PLCL1: variants seen among roughly 807,000 people sequenced by gnomAD.
PLCL1 encodes the protein inactive phospholipase C-like protein 1.
PLCL1 carries 41 observed loss-of-function variants against 84.4 expected under a neutral mutation model. The observed-to-expected ratio is 0.49, with a 90% CI of 0.38 to 0.63. The LOEUF is 0.63. Ranked by LOEUF, PLCL1 falls within the 30% of genes least tolerant of loss-of-function variation. The pLI is 0.00. For missense variants in PLCL1, 1,206 were observed against 1,367.8 expected (o/e 0.88, Z 1.87); for synonymous variants, 490 against 488.3 (o/e 1.00, Z -0.05).
chr2:197,918,872 T>TTGAGGC (rs1342389686), intron 1 of PLCL1, among the ~76,000 whole-genome samples: 1 of 151,590 alleles, frequency 6.6e-6, no homozygotes, highest in African/African-American at 2.4e-5. Context: ...GCTTAGGAGG[T>TTGAGGC]TGAGGCTGCA....
intron 1 of PLCL1, among the ~76,000 whole-genome samples, chr2:198,026,737 G>C (rs1691274615): frequency 6.6e-6 from 1 of 152,114 alleles, no homozygotes; most frequent in African/African-American, 2.4e-5. Flanking sequence ...TGGCTGGCAG[G>C]CCATTTTAAA....
chr2:198,104,080 G>T, intron 5 of PLCL1, 144 bp downstream of exon 5: 3 of 475,728 alleles, frequency 6.3e-6, no homozygotes, highest in Non-Finnish European at 7.6e-6. Context: ...GTGCAGGTTT[G>T]TTATATAGGT....
intron 1 of PLCL1, among the ~76,000 whole-genome samples, chr2:197,994,519 A>G (rs1690416654): frequency 6.6e-6 from 1 of 152,226 alleles, no homozygotes; most frequent in African/African-American, 2.4e-5. Flanking sequence ...GGGATATAAG[A>G]TATGCTTTCT....
At chr2:198,009,663 G>A (rs1382522473) in intron 1 of PLCL1, among the ~76,000 whole-genome samples, 1 of 151,744 alleles carries the variant, frequency 6.6e-6, no homozygotes, top group African/African-American at 2.4e-5. Context: ...TGGCTCTTTT[G>A]GGCCCCTTAA....
Position 197,929,977 on chromosome 2 carries a change from C to T in PLCL1, c.240+124638C>T, listed in dbSNP as rs1688902786. Among the ~76,000 whole-genome samples, 3 of 152,154 alleles carry T rather than the reference C, an allele frequency of 2.0e-5. No individual in the cohort carries two copies. The South Asian group carries it at 6.2e-4, about 32-fold the overall frequency. On this transcript the variant is annotated intron_variant, in intron 1 of 5. Coordinates refer to ENST00000428675, the MANE Select transcript of PLCL1 (RefSeq NM_006226.4). ...TTTCTCCTGTGATACACAGATGTCTCACTGAGTATCAAATAGTGAGAGGGA... is the reference window on the plus strand; with the variant it reads ...TTTCTCCTGTGATACACAGATGTCTTACTGAGTATCAAATAGTGAGAGGGA...
intron 1 of PLCL1, among the ~76,000 whole-genome samples, chr2:197,964,868 T>C (rs1689697073): frequency 6.6e-6 from 1 of 152,184 alleles, no homozygotes; most frequent in Non-Finnish European, 1.5e-5. Context: ...TTTTATTCTA[T>C]TGATATATCA....
intron 1 of PLCL1, among the ~76,000 whole-genome samples, chr2:197,985,337 T>C (rs1381614700): frequency 1.3e-5 from 2 of 152,202 alleles, no homozygotes; most frequent in Non-Finnish European, 2.9e-5. Context: ...CAGTGTTTTG[T>C]TAATTATACT....
Position 198,084,992 on chromosome 2 carries a change from G to A in PLCL1, c.1475G>A (p.Gly492Glu), listed in dbSNP as rs772849136. The change falls in exon 2 of 6, where the codon GGA becomes GAA. Residue 492 changes from glycine (G) to glutamate (E), a missense_variant. Transcript: ENST00000428675. ...GAATACCCACTCATTCTTTGCTTGG[G>A]AAATCACTGCTCCTTGCCGCAGCAG... ...ASEYPLILCLGNHCSLPQQKV... is the reference protein window; with the variant it reads ...ASEYPLILCLENHCSLPQQKV... 1.2e-5 allele frequency: 20 copies of A among 1,613,876 alleles called. No individual in the cohort carries two copies. The highest frequency in any genetic ancestry group is 1.7e-5 in the Non-Finnish European group (20 of 1,180,002).
chr2:197,983,314 C>A (rs748047366), intron 1 of PLCL1, among the ~76,000 whole-genome samples: 5 of 146,486 alleles, frequency 3.4e-5, no homozygotes, highest in Non-Finnish European at 7.4e-5. Flanking sequence ...ACTGCAGCCT[C>A]AACCTCCTGG....
chr2:197,832,396 A>G (rs917889663), intron 1 of PLCL1, among the ~76,000 whole-genome samples: 13 of 152,220 alleles, frequency 8.5e-5, no homozygotes, highest in Non-Finnish European at 4.4e-5. Flanking sequence ...AATAAACTAG[A>G]AATTCTAGAA....
chr2:197,955,710 A>G (rs985854514), intron 1 of PLCL1, among the ~76,000 whole-genome samples: 1 of 151,858 alleles, frequency 6.6e-6, no homozygotes, highest in Admixed American at 6.6e-5. Context: ...CCGGCAAAGG[A>G]CATGATCTCA....
chr2:198,033,005 A>G (rs569866729), intron 1 of PLCL1, among the ~76,000 whole-genome samples: 2 of 152,318 alleles, frequency 1.3e-5, no homozygotes, highest in Non-Finnish European at 2.9e-5. Flanking sequence ...TCAAATAAAA[A>G]TAGGGTCACC....
chr2:197,975,616 C>G (rs1026932156), intron 1 of PLCL1, among the ~76,000 whole-genome samples: 2 of 149,794 alleles, frequency 1.3e-5, no homozygotes, highest in South Asian at 4.2e-4. Context: ...CCAGTCTGTG[C>G]AACAGAGTGA....
chr2:197,958,720 A>G (rs1689542148), intron 1 of PLCL1, among the ~76,000 whole-genome samples: 1 of 152,010 alleles, frequency 6.6e-6, no homozygotes, highest in South Asian at 2.1e-4. Flanking sequence ...CATGCCAACT[A>G]TGTATGAATA....
At chr2:198,049,668 C>T (rs895684833) in intron 1 of PLCL1, among the ~76,000 whole-genome samples, 2 of 152,152 alleles carry the variant, frequency 1.3e-5, no homozygotes, top group Admixed American at 6.5e-5. Context: ...GTCTAGAAAT[C>T]CCCAGCTCAT....
At chr2:198,021,474 G>A (rs1432158518) in intron 1 of PLCL1, among the ~76,000 whole-genome samples, 2 of 151,988 alleles carry the variant, frequency 1.3e-5, no homozygotes, top group Non-Finnish European at 2.9e-5. Flanking sequence ...TTTTTGTTTT[G>A]AAAAGATTAA....
chr2:197,850,226 C>A (rs1054938652), intron 1 of PLCL1, among the ~76,000 whole-genome samples: 2 of 152,196 alleles, frequency 1.3e-5, no homozygotes, highest in Non-Finnish European at 2.9e-5. Context: ...CCTGCTCTAA[C>A]TGTTTTGTTT....
At chr2:198,130,641 C>A (rs951602963) in intron 5 of PLCL1, among the ~76,000 whole-genome samples, 2 of 152,062 alleles carry the variant, frequency 1.3e-5, no homozygotes, top group South Asian at 2.1e-4. Flanking sequence ...CTCAGTGACA[C>A]CTCTGGAATT....
intron 1 of PLCL1, among the ~76,000 whole-genome samples, chr2:197,899,871 G>A (rs1024994716): frequency 3.3e-5 from 5 of 151,852 alleles, no homozygotes; most frequent in African/African-American, 9.7e-5. Context: ...TCCTGACCTC[G>A]TGATCCGCCC....
Sources: gnomAD v4.1 joint callset for allele counts (sites outside exome capture counted in the v4.1 genomes callset) on GRCh38, gnomAD v4.1.1 for gene constraint, MANE v1.5 for transcripts, NCBI Gene and HGNC (gene_info 2026-07-23, HGNC 2026-07-21) for gene names.